Variants in FSIP2 observed in about 807,000 individuals in gnomAD.
FSIP2 encodes the protein fibrous sheath-interacting protein 2.
In FSIP2, 367 loss-of-function variants were observed where a neutral mutation model predicts 510.5. The observed-to-expected ratio is 0.72, with a 90% CI of 0.66 to 0.78. The LOEUF (loss-of-function observed/expected upper bound fraction) is 0.78, where lower values mean the gene tolerates loss of function less well. Ranked by LOEUF, FSIP2 falls within the 30% of genes least tolerant of loss-of-function variation. FSIP2 has a pLI of 0.00. For missense variants in FSIP2, 7,594 were observed against 7,901.7 expected, an observed-to-expected ratio of 0.96 and a Z score of 1.48; for synonymous variants, 2,601 against 2,732.2, an observed-to-expected ratio of 0.95 and a Z score of 1.50.
intron 16 of FSIP2, among the ~76,000 whole-genome samples, chr2:185,798,300 CTT>C (rs1394925632): frequency 6.6e-6 from 1 of 151,804 alleles, no homozygotes; most frequent in Non-Finnish European, 1.5e-5. Context: ...AATTGAATAT[CTT>C]GTTTTATTTG....
intron 9 of FSIP2, among the ~76,000 whole-genome samples, chr2:185,758,445 T>G (rs757289133): frequency 4.6e-5 from 7 of 151,352 alleles, no homozygotes; most frequent in Admixed American, 1.3e-4. Flanking sequence ...ATATTATGTA[T>G]GTTATATGTA....
rs752612156 is a variant in FSIP2, at chr2:185,790,184, T to A, written c.3048T>A (p.Leu1016=). 1.3e-6 allele frequency: 2 copies of A among 1,531,642 alleles called. No individual in the cohort carries two copies. The highest frequency in any genetic ancestry group is 2.4e-5 in the South Asian group (2 of 83,204). 94.9% of individuals were successfully genotyped at this position (1,531,642 alleles called of 1,614,324 possible). Residue 1016 remains leucine, a synonymous_variant, in exon 16 of 23, where the codon CTT becomes CTA. Transcript: ENST00000424728. The part of the protein sequence containing the change: ...EEIDNIVKNV[L]DSTFKDEKVK... ...TAGACAATATTGTAAAAAATGTGCTTGATTCAACTTTCAAAGATGAAAAAG... is the reference window on the plus strand; with the variant it reads ...TAGACAATATTGTAAAAAATGTGCTAGATTCAACTTTCAAAGATGAAAAAG...
rs1418372380 is a variant in FSIP2, at chr2:185,794,235, T to C, written c.7099T>C (p.Leu2367=). 6.5e-7 allele frequency: 1 copy of C among 1,533,910 alleles called. No homozygotes were observed. Among genetic ancestry groups the C allele is most frequent in the Non-Finnish European group, 8.7e-7 (1 of 1,145,458 alleles). ...CATTTTGAAGCTTATTAAAAATGAC[T>C]TAGACTTAGAAATTCAAAAGATATA... ...SAILKLIKND[L]DLEIQKIYPY... is the part of the protein sequence containing the mutation. The change falls in exon 16 of 23, where the codon TTA becomes CTA. Residue 2367 remains leucine, a synonymous_variant. Transcript: ENST00000424728.
intron 13 of FSIP2, among the ~76,000 whole-genome samples, chr2:185,776,869 G>T (rs1167261875): frequency 6.6e-6 from 1 of 152,042 alleles, no homozygotes; most frequent in East Asian, 1.9e-4. Flanking sequence ...CGAGTAGTTG[G>T]GATTACACCA....
intron 13 of FSIP2, among the ~76,000 whole-genome samples, chr2:185,776,714 C>A (rs907275125): frequency 1.3e-5 from 2 of 152,006 alleles, no homozygotes; most frequent in African/African-American, 4.8e-5. Flanking sequence ...AGTCTATTTT[C>A]TGTCTGAGGG....
intron 21 of FSIP2, 87 bp downstream of exon 21, chr2:185,828,286 TGG>T: frequency 1.3e-6 from 1 of 766,008 alleles, no homozygotes; most frequent in South Asian, 1.6e-5. Flanking sequence ...AGGGACTGTG[TGG>T]TATGATTTGA....
At chr2:185,775,916 G>A (rs1458155805) in intron 13 of FSIP2, among the ~76,000 whole-genome samples, 2 of 152,182 alleles carry the variant, frequency 1.3e-5, no homozygotes, top group Non-Finnish European at 2.9e-5. Context: ...CACCCACTTT[G>A]CCTTCTAAAG....
In FSIP2 at chr2:185,795,607, C is replaced by T; in HGVS notation, c.8471C>T (p.Ser2824Phe). The T allele has an allele frequency of 1.3e-6, 2 of 1,535,022 alleles. No individual in the cohort carries two copies. The highest frequency in any genetic ancestry group is 1.2e-5 in the South Asian group (1 of 84,028). Residue 2824 changes from serine to phenylalanine, a missense_variant, in exon 16 of 23, where the codon TCT (serine) becomes TTT (phenylalanine). Coordinates refer to ENST00000424728, the MANE Select transcript of FSIP2 (RefSeq NM_173651.4). ...QQACFYLENV[S>F]SQLEHIFPRE... ...GCATGTTTTTACTTGGAGAATGTTTCTTCACAGCTAGAGCACATTTTTCCT... is the reference window on the plus strand; with the variant it reads ...GCATGTTTTTACTTGGAGAATGTTTTTTCACAGCTAGAGCACATTTTTCCT...
intron 2 of FSIP2, among the ~76,000 whole-genome samples, chr2:185,741,572 T>C (rs999831019): frequency 6.6e-6 from 1 of 152,188 alleles, no homozygotes; most frequent in Non-Finnish European, 1.5e-5. Context: ...ATCTACTCCT[T>C]GACTTATTAT....
chr2:185,833,217 T>C lies in FSIP2; in HGVS notation c.20715T>C (p.Asp6905=). The C allele has an allele frequency of 6.2e-7, 1 of 1,607,372 alleles. No homozygotes were observed. Among genetic ancestry groups the C allele is most frequent in the Non-Finnish European group, 8.5e-7 (1 of 1,177,148 alleles). Residue 6905 remains aspartate (D), a synonymous_variant, in exon 23 of 23, where the codon GAT becomes GAC. Transcript: ENST00000424728. ...GATCTTCCTCACCAGCTCACCAGGATGAACACTGAAGCTTTTGTACCTGAT... is the reference window on the plus strand; with the variant it reads ...GATCTTCCTCACCAGCTCACCAGGACGAACACTGAAGCTTTTGTACCTGAT... ...ISRSSSPAHQ[D]EH is the part of the protein sequence containing the mutation.
At chr2:185,777,848 C>A (rs566449804) in intron 13 of FSIP2, among the ~76,000 whole-genome samples, 45 of 152,084 alleles carry the variant, frequency 3.0e-4, no homozygotes, top group African/African-American at 1.0e-3. Flanking sequence ...GTTTTCGTGT[C>A]AAGATTATAC....
At chr2:185,750,731 T>G (rs1257128171) in intron 7 of FSIP2, among the ~76,000 whole-genome samples, 1 of 151,258 alleles carries the variant, frequency 6.6e-6, no homozygotes, top group Non-Finnish European at 1.5e-5. Context: ...GTACTCTAAG[T>G]TTTTCCCTAA....
rs2105533657 is a variant in FSIP2 at position 185,746,662 on chromosome 2, T to C, written c.618-7T>C. On this transcript the variant is annotated splice_region_variant and splice_polypyrimidine_tract_variant and intron_variant, in intron 5 of 22. Coordinates refer to ENST00000424728, the MANE Select transcript of FSIP2 (RefSeq NM_173651.4). ...TCACCTTTAGCAATATTTGCACTCTTACTCAGATATTTGGATATGATAAGT... is the reference window on the plus strand; with the variant it reads ...TCACCTTTAGCAATATTTGCACTCTCACTCAGATATTTGGATATGATAAGT... 2.0e-6 allele frequency: 3 copies of C among 1,504,158 alleles called. No homozygotes were observed. Among genetic ancestry groups the C allele is most frequent in the South Asian group, 2.6e-5 (2 of 78,420 alleles). 93.2% of individuals were successfully genotyped at this position (1,504,158 alleles called of 1,614,324 possible). A position where few individuals can be genotyped will look rare whatever the true frequency, so the allele number is the denominator to read the frequency against.
Position 185,800,774 on chromosome 2 carries a change from T to C in FSIP2, c.11468T>C (p.Leu3823Ser), listed in dbSNP as rs201933193. ...CLQVDYMSDL[L>S]ENVAEIDQDL... ...CAAGTAGATTACATGTCAGACCTTT[T>C]GGAGAATGTGGCAGAAATTGATCAA... The change falls in exon 17 of 23, where the codon TTG (leucine) becomes TCG (serine). Residue 3823 changes from leucine (L) to serine (S), a missense_variant. By Grantham distance (145) the Leu-to-Ser change is moderately radical. Coordinates refer to ENST00000424728, the MANE Select transcript of FSIP2 (RefSeq NM_173651.4). The C allele has an allele frequency of 1.4e-4, 210 of 1,534,094 alleles. No individual in the cohort carries two copies. The highest frequency in any genetic ancestry group is 1.7e-4 in the Non-Finnish European group (197 of 1,145,592).
At chr2:185,771,807 A>G (rs1384081906) in intron 13 of FSIP2, among the ~76,000 whole-genome samples, 1 of 152,120 alleles carries the variant, frequency 6.6e-6, no homozygotes, top group African/African-American at 2.4e-5. Context: ...TTCCTTTTCT[A>G]TCACAAAGAC....
intron 13 of FSIP2, among the ~76,000 whole-genome samples, chr2:185,772,203 C>T (rs527395246): frequency 6.6e-6 from 1 of 152,256 alleles, no homozygotes; most frequent in East Asian, 1.9e-4. Flanking sequence ...CCAAACTTTT[C>T]CTCATTTTCC....
Position 185,805,629 on chromosome 2 carries a change from A to T in FSIP2, c.16323A>T (p.Leu5441Phe). 2.5e-6 allele frequency: 4 copies of T among 1,609,392 alleles called. No individual in the cohort carries two copies. The highest frequency in any genetic ancestry group is 3.4e-6 in the Non-Finnish European group (4 of 1,178,054). The change falls in exon 17 of 23, where the codon TTA becomes TTT. Residue 5441 changes from leucine to phenylalanine, a missense_variant. Transcript: ENST00000424728. The stretch of plus-strand genomic sequence containing the variant: ...GTGCAAAAGAGAACCAACTTTCTTT[A>T]CCAGATCAATCATATAAAGATACTT... ...SRCAKENQLSLPDQSYKDTSS... is the reference protein window; with the variant it reads ...SRCAKENQLSFPDQSYKDTSS...
In FSIP2 at chr2:185,805,723, A is replaced by G. The variant is rs772864210; in HGVS notation, c.16417A>G (p.Lys5473Glu). Residue 5473 changes from lysine to glutamate, a missense_variant, in exon 17 of 23, where the codon AAA (lysine) becomes GAA (glutamate). Coordinates refer to ENST00000424728, the MANE Select transcript of FSIP2 (RefSeq NM_173651.4). ...AAATAGAGGTACAATGAATAGAAAG[A>G]AAAGTTTTAAAACCAAGGACACATC... ...EINRGTMNRKKSFKTKDTSVK... is the reference protein window; with the variant it reads ...EINRGTMNRKESFKTKDTSVK... The G allele has an allele frequency of 1.2e-6, 2 of 1,606,922 alleles. No homozygotes were observed. The highest frequency in any genetic ancestry group is 2.2e-5 in the South Asian group (2 of 89,784).
At chr2:185,821,794 T>G (rs1203170872) in intron 19 of FSIP2, among the ~76,000 whole-genome samples, 2 of 151,406 alleles carry the variant, frequency 1.3e-5, no homozygotes, top group Non-Finnish European at 2.9e-5. Flanking sequence ...GACATGGTGG[T>G]GTGCACCTAT....
Sources: gnomAD v4.1 joint callset for allele counts (sites outside exome capture counted in the v4.1 genomes callset) on GRCh38, gnomAD v4.1.1 for gene constraint, MANE v1.5 for transcripts, NCBI Gene and HGNC (gene_info 2026-07-23, HGNC 2026-07-21) for gene names.